NAV3: variants seen among roughly 807,000 people sequenced by gnomAD.
NAV3 encodes neuron navigator 3.
NAV3 carries 87 observed loss-of-function variants against 244.7 expected under a neutral mutation model. The ratio of observed to expected loss-of-function variants is 0.36; its 90% CI spans 0.30 to 0.42. The LOEUF (loss-of-function observed/expected upper bound fraction) is 0.42, where lower values mean the gene tolerates loss of function less well. Among genes scored for constraint, NAV3 ranks in the 20% least tolerant of loss-of-function variants. The probability of loss-of-function intolerance (pLI) is 1.00; values close to 1 mark genes in which losing one functional copy is unlikely to be tolerated. For missense variants in NAV3, 2,663 were observed against 2,893.3 expected (o/e 0.92, Z 1.83); for synonymous variants, 1,126 against 1,042.2 (o/e 1.08, Z -1.55).
rs747478055 is a variant in NAV3 at position 78,119,719 on chromosome 12, A to G, written c.3523A>G (p.Thr1175Ala). 6.5e-5 allele frequency: 105 copies of G among 1,614,008 alleles called. No homozygotes were observed. The highest frequency in any genetic ancestry group is 8.2e-5 in the Non-Finnish European group (97 of 1,180,038). ...NVSSKSAGAT[T>A]SKLREPTKIG... Reference sequence around the variant, plus strand: ...CAGCAGCAAGTCTGCTGGGGCCACCACCTCGAAACTGAGAGAACCAACTAA... The same window carrying G: ...CAGCAGCAAGTCTGCTGGGGCCACCGCCTCGAAACTGAGAGAACCAACTAA... Residue 1175 changes from threonine to alanine, a missense_variant, in exon 15 of 40, where the codon ACC becomes GCC. Thr to Ala is a moderately conservative substitution (Grantham distance 58, BLOSUM62 0). Around this residue, in one of 6 missense-constraint regions of NAV3, gnomAD observed 1,521 missense variants for 1,497.0 expected, o/e 1.02. Coordinates refer to ENST00000397909, the MANE Select transcript of NAV3 (RefSeq NM_001024383.2).
chr12:78,174,389 C>T (rs1420123592), intron 24 of NAV3, among the ~76,000 whole-genome samples: 1 of 151,796 alleles, frequency 6.6e-6, no homozygotes, highest in Non-Finnish European at 1.5e-5. Flanking sequence ...AAGGCCATAC[C>T]ATATGCTGCG....
intron 2 of NAV3, among the ~76,000 whole-genome samples, chr12:77,716,236 A>G (rs1293542619): frequency 2.0e-5 from 3 of 151,828 alleles, no homozygotes; most frequent in African/African-American, 7.2e-5. Context: ...TAAGTTTTGG[A>G]CTTCAAGAAA....
chr12:77,598,593 A>T (rs540580638), intron 2 of NAV3, among the ~76,000 whole-genome samples: 1 of 151,916 alleles, frequency 6.6e-6, no homozygotes, highest in Non-Finnish European at 1.5e-5. Flanking sequence ...TATAATTGAT[A>T]TGCAAAAATC....
At position 78,006,594 on chromosome 12, in the gene NAV3, G is replaced by A. The variant is rs535704723; in HGVS notation, c.1056G>A (p.Gln352=). The change falls in exon 8 of 40, where the codon CAG becomes CAA. Residue 352 remains glutamine, a synonymous_variant. Transcript: ENST00000397909. ...CCTCCACCATGTTGACTGTAAAGCA[G>A]TCAAGTACAGCCACCTCCCCCACAC... ...SATSTMLTVK[Q]SSTATSPTPS... 11 of 1,614,096 alleles carry A rather than the reference G, an allele frequency of 6.8e-6. No individual in the cohort carries two copies. In the South Asian group the frequency reaches 1.2e-4, roughly 18 times the overall value.
At chr12:77,824,888 T>C (rs1716507680) in intron 2 of NAV3, among the ~76,000 whole-genome samples, 1 of 130,214 alleles carries the variant, frequency 7.7e-6, no homozygotes, top group African/African-American at 3.1e-5. Context: ...CAAGACTCCG[T>C]CTCAAAAACA....
At chr12:77,727,874 A>G (rs1876949000) in intron 2 of NAV3, among the ~76,000 whole-genome samples, 1 of 151,874 alleles carries the variant, frequency 6.6e-6, no homozygotes. Flanking sequence ...TACTCTTCTA[A>G]TTACTCTCAT....
At chr12:78,075,931 G>T (rs949046938) in intron 12 of NAV3, among the ~76,000 whole-genome samples, 2 of 152,168 alleles carry the variant, frequency 1.3e-5, no homozygotes, top group African/African-American at 4.8e-5. Context: ...AGGTTCCCAA[G>T]AGTCAAGTGG....
chr12:77,859,796 CT>C (rs1303222698), intron 1 of NAV3, among the ~76,000 whole-genome samples: 3 of 124,518 alleles, frequency 2.4e-5, no homozygotes, highest in African/African-American at 8.6e-5. Flanking sequence ...AATTGATAAT[CT>C]TTTTGCTATA....
intron 2 of NAV3, among the ~76,000 whole-genome samples, chr12:77,789,129 C>A (rs1384011393): frequency 6.6e-6 from 1 of 152,172 alleles, no homozygotes; most frequent in African/African-American, 2.4e-5. Context: ...CATTATTTTG[C>A]TTGGATTATT....
intron 20 of NAV3, chr12:78,143,252 A>G: frequency 2.5e-6 from 1 of 392,448 alleles, no homozygotes; most frequent in Non-Finnish European, 5.0e-6. Flanking sequence ...TTGTCTCCGG[A>G]TGTCTGCAAA....
intron 2 of NAV3, among the ~76,000 whole-genome samples, chr12:77,746,416 A>G (rs1051446664): frequency 6.6e-6 from 1 of 152,132 alleles, no homozygotes; most frequent in Non-Finnish European, 1.5e-5. Flanking sequence ...GGGCATTGTA[A>G]AAATGGGTTT....
chr12:77,724,434 TAAAA>T (rs1044609239), intron 2 of NAV3, among the ~76,000 whole-genome samples: 5 of 151,948 alleles, frequency 3.3e-5, no homozygotes, highest in African/African-American at 1.2e-4. Context: ...ACAAAAAAAT[TAAAA>T]AACATATTTA....
intron 2 of NAV3, among the ~76,000 whole-genome samples, chr12:77,680,809 C>T (rs1195624437): frequency 6.6e-6 from 1 of 152,032 alleles, no homozygotes; most frequent in African/African-American, 2.4e-5. Flanking sequence ...AGACAAGAAC[C>T]AATGCCAGGA....
At position 78,116,876 on chromosome 12, in the gene NAV3, T is replaced by C; in HGVS notation, c.2741T>C (p.Ile914Thr). 7 of 1,613,218 alleles carry C rather than the reference T, an allele frequency of 4.3e-6. No homozygotes were observed. Among genetic ancestry groups the C allele is most frequent in the Non-Finnish European group, 5.9e-6 (7 of 1,179,488 alleles). ...TTSSVSSYSN[I>T]TVPSRKNTQL... is the part of the protein sequence containing the mutation. ...TCCTCTGTCAGCTCTTACTCCAACATCACCGTCCCCTCTAGGAAGAATACT... is the reference window on the plus strand; with the variant it reads ...TCCTCTGTCAGCTCTTACTCCAACACCACCGTCCCCTCTAGGAAGAATACT... Residue 914 changes from isoleucine (I) to threonine (T), a missense_variant, in exon 13 of 40, where the codon ATC (isoleucine) becomes ACC (threonine). Physicochemically the swap from Ile to Thr is moderately conservative, Grantham distance 89. Transcript: ENST00000397909.
chr12:78,098,175 G>T (rs1358044313), intron 12 of NAV3, among the ~76,000 whole-genome samples: 3 of 151,938 alleles, frequency 2.0e-5, no homozygotes, highest in Non-Finnish European at 4.4e-5. Flanking sequence ...ACTAATACAT[G>T]AATAAAACTA....
chr12:77,634,027 A>G (rs1438010252), intron 2 of NAV3, among the ~76,000 whole-genome samples: 2 of 152,130 alleles, frequency 1.3e-5, no homozygotes, highest in African/African-American at 4.8e-5. Context: ...TAAGTGTTTA[A>G]TAAATTTATT....
intron 2 of NAV3, among the ~76,000 whole-genome samples, chr12:77,687,056 C>T (rs570587394): frequency 2.1e-4 from 32 of 152,120 alleles, no homozygotes; most frequent in Admixed American, 7.2e-4. Flanking sequence ...CTGTAATTTC[C>T]TGCAAGTATT....
intron 3 of NAV3, among the ~76,000 whole-genome samples, chr12:77,948,172 T>G (rs552143446): frequency 6.6e-6 from 1 of 152,080 alleles, no homozygotes; most frequent in Non-Finnish European, 1.5e-5. Context: ...GGGAATTCTT[T>G]GGTCTGCCAT....
chr12:78,132,912 G>A (rs920777772), intron 18 of NAV3, among the ~76,000 whole-genome samples: 5 of 152,020 alleles, frequency 3.3e-5, no homozygotes, highest in Non-Finnish European at 7.4e-5. Context: ...CACAAAATCT[G>A]TGTAATCAAT....
Sources: gnomAD v4.1 joint callset for allele counts (sites outside exome capture counted in the v4.1 genomes callset) on GRCh38, gnomAD v4.1.1 for gene constraint, gnomAD v4.1.1 regional missense constraint, MANE v1.5 for transcripts, NCBI Gene and HGNC (gene_info 2026-07-23, HGNC 2026-07-21) for gene names.